Variants in MASP1 observed in about 807,000 individuals in gnomAD.
MASP1 encodes the protein MBL associated serine protease 1.
MASP1 carries 59 observed loss-of-function variants against 77.1 expected under a neutral mutation model. That is an observed-to-expected ratio of 0.77 (90% CI 0.62 to 0.95). MASP1 has a LOEUF of 0.95. MASP1 is among the 40% of genes least tolerant of loss of function. The pLI is 0.00. For missense variants in MASP1, 885 were observed against 912.9 expected (o/e 0.97, Z 0.39); for synonymous variants, 362 against 354.5 (o/e 1.02, Z -0.24).
rs1257731906 is a variant in MASP1, at chr3:187,234,306, A to T, written c.*1378T>A. On this transcript the variant is annotated 3_prime_UTR_variant, in exon 11 of 11. Transcript: ENST00000296280. ...GGGCTTCTCTGGCTGCCTTGCTCTG[A>T]TGGAGATTTTCAGGAGAGAGAGCTC... The T allele has an allele frequency of 1.6e-6, 2 of 1,287,186 alleles. No homozygotes were observed. Among genetic ancestry groups the T allele is most frequent in the Admixed American group, 2.3e-5 (1 of 43,558 alleles). 79.7% of individuals were successfully genotyped at this position (1,287,186 alleles called of 1,614,324 possible).
intron 2 of MASP1, among the ~76,000 whole-genome samples, chr3:187,283,680 G>T (rs573215474): frequency 6.6e-6 from 1 of 152,302 alleles, no homozygotes; most frequent in South Asian, 2.1e-4. Flanking sequence ...TAGATGGTTA[G>T]CATGTTTGAA....
chr3:187,223,999 G>A (rs1712227371), intron 13 of MASP1, among the ~76,000 whole-genome samples: 2 of 152,180 alleles, frequency 1.3e-5, no homozygotes, highest in Non-Finnish European at 2.9e-5. Flanking sequence ...AGCACCTGGT[G>A]GGCACATGGC....
chr3:187,234,380 G>A lies in MASP1; in HGVS notation c.*1304C>T. On this transcript the variant is annotated 3_prime_UTR_variant, in exon 11 of 11. Transcript: ENST00000296280. ...CCTGTGAGGGCCAGAGAGGCTGCTA[G>A]CAGTCAGGGAAGCTCTGAGTGCTCC... 7.8e-7 allele frequency: 1 copy of A among 1,287,266 alleles called. No individual in the cohort carries two copies. Among genetic ancestry groups the A allele is most frequent in the Non-Finnish European group, 1.0e-6 (1 of 988,690 alleles). The allele number at this position is 1,287,266 out of a possible 1,614,324, so 79.7% of individuals were successfully genotyped here.
At chr3:187,266,656 C>T (rs1419596006) in intron 2 of MASP1, among the ~76,000 whole-genome samples, 2 of 152,078 alleles carry the variant, frequency 1.3e-5, no homozygotes, top group Non-Finnish European at 2.9e-5. Context: ...AGCTGCTCCT[C>T]CCCACTACCC....
At chr3:187,265,534 CAGAGA>C (rs143227963) in intron 2 of MASP1, among the ~76,000 whole-genome samples, 6,855 of 152,184 alleles carry the variant, frequency 0.045, 493 homozygotes, top group African/African-American at 0.15. Context: ...CTTTTAGAAG[CAGAGA>C]AGAGAAGGCC....
chr3:187,258,176 T>G (rs1715255315), intron 4 of MASP1, among the ~76,000 whole-genome samples: 1 of 152,196 alleles, frequency 6.6e-6, no homozygotes, highest in Non-Finnish European at 1.5e-5. Context: ...AAAACAATTT[T>G]CAGCTCTACC....
Position 187,234,752 on chromosome 3 carries a change from A to G in MASP1, c.*932T>C, listed in dbSNP as rs1156675725. 7.8e-7 allele frequency: 1 copy of G among 1,287,258 alleles called. No homozygotes were observed. The highest frequency in any genetic ancestry group is 1.2e-5 in the South Asian group (1 of 80,940). 79.7% of individuals were successfully genotyped at this position (1,287,258 alleles called of 1,614,324 possible). Reference sequence around the variant, plus strand: ...CCTGCCCAAAAGCACAGCAGGACACAGTGTGGGTCTTTTCTTTTTCCAGGT... The same window carrying G: ...CCTGCCCAAAAGCACAGCAGGACACGGTGTGGGTCTTTTCTTTTTCCAGGT... On this transcript the variant is annotated 3_prime_UTR_variant, in exon 11 of 11. Transcript: ENST00000296280.
At chr3:187,280,315 T>C (rs1421659494) in intron 2 of MASP1, among the ~76,000 whole-genome samples, 1 of 152,190 alleles carries the variant, frequency 6.6e-6, no homozygotes, top group African/African-American at 2.4e-5. Context: ...TACATAAACA[T>C]GTCACAGATG....
chr3:187,230,741 A>G (rs538347155), downstream of MASP1, among the ~76,000 whole-genome samples: 14 of 152,362 alleles, frequency 9.2e-5, no homozygotes, highest in South Asian at 2.5e-3. Context: ...TATACTTTTC[A>G]TCATTCAGCT....
At chr3:187,273,572 C>T (rs1007783230) in intron 2 of MASP1, among the ~76,000 whole-genome samples, 1 of 152,144 alleles carries the variant, frequency 6.6e-6, no homozygotes, top group Non-Finnish European at 1.5e-5. Context: ...TGTGCGAGCT[C>T]GGTACTCCTG....
rs761832052 is a variant in MASP1 at position 187,236,371 on chromosome 3, G to A, written c.1500C>T (p.Arg500=). 1.2e-6 allele frequency: 2 copies of A among 1,614,270 alleles called. No homozygotes were observed. Among genetic ancestry groups the A allele is most frequent in the East Asian group, 2.2e-5 (1 of 44,880 alleles). Residue 500 remains arginine, a synonymous_variant, in exon 11 of 11, where the codon CGC becomes CGT. Transcript: ENST00000296280. ...SWILTAAHVL[R]SQRRDTTVIP... ...TCACCGTGGTGTCTCTACGCTGGGA[G>A]CGCAGCACATGAGCTGCTGTGAGGA...
chr3:187,229,198 T>C (rs1712619033), downstream of MASP1, among the ~76,000 whole-genome samples: 1 of 152,158 alleles, frequency 6.6e-6, no homozygotes, highest in Non-Finnish European at 1.5e-5. Context: ...CACATTCCAT[T>C]ACAAAGGTGA....
downstream of MASP1, among the ~76,000 whole-genome samples, chr3:187,232,529 C>T (rs1352149148): frequency 3.3e-5 from 5 of 152,148 alleles, no homozygotes; most frequent in African/African-American, 4.8e-5. Flanking sequence ...ACCTTCTCCC[C>T]TTTGTTTTTC....
chr3:187,226,473 C>T (rs140271320), exon 12 of MASP1: 11 of 1,612,948 alleles, frequency 6.8e-6, no homozygotes, highest in South Asian at 1.1e-5. Flanking sequence ...TCTTCCGGAT[C>T]GAGTGACTGG....
At position 187,236,360 on chromosome 3, in the gene MASP1, C is replaced by G. The variant is rs376356720; in HGVS notation, c.1511G>C (p.Arg504Thr). The G allele has an allele frequency of 1.2e-6, 2 of 1,614,138 alleles. No individual in the cohort carries two copies. The highest frequency in any genetic ancestry group is 2.7e-5 in the African/African-American group (2 of 74,946). ...GGAGACTGGTATCACCGTGGTGTCT[C>G]TACGCTGGGAGCGCAGCACATGAGC... Reference protein sequence around the residue: ...TAAHVLRSQRRDTTVIPVSKE... With the variant: ...TAAHVLRSQRTDTTVIPVSKE... The change falls in exon 11 of 11, where the codon AGA becomes ACA. Residue 504 changes from arginine to threonine, a missense_variant. Physicochemically the swap from Arg to Thr is moderately conservative, Grantham distance 71 (BLOSUM62 -1). Transcript: ENST00000296280.
intron 3 of MASP1, among the ~76,000 whole-genome samples, chr3:187,261,683 G>A (rs899146202): frequency 2.0e-5 from 3 of 152,162 alleles, no homozygotes; most frequent in South Asian, 2.1e-4. Context: ...AAAGCTAAAC[G>A]TATACCTATC....
At position 187,265,294 on chromosome 3, in the gene MASP1, G is replaced by T. The variant is rs930230985; in HGVS notation, c.238-2574C>A. Among the ~76,000 whole-genome samples the T allele has an allele frequency of 3.9e-5, 6 of 152,182 alleles. No homozygotes were observed. The South Asian group carries it at 1.2e-3, about 31-fold the overall frequency. ...TCCCCAGTGCCTCTTGGGTTCTGCAGTGACTGGGACATGAACATTTTCAAG... is the reference window on the plus strand; with the variant it reads ...TCCCCAGTGCCTCTTGGGTTCTGCATTGACTGGGACATGAACATTTTCAAG... On this transcript the variant is annotated intron_variant, in intron 2 of 10. Transcript: ENST00000296280.
In MASP1 at chr3:187,228,073, C is replaced by A. The variant is rs185008450; in HGVS notation, c.1442-1553G>T. ...GCTTGGCCGAGGGTAGAGAAGTGAACGTCAAACATTTTTCAAACATAAGTC... is the reference window on the plus strand; with the variant it reads ...GCTTGGCCGAGGGTAGAGAAGTGAAAGTCAAACATTTTTCAAACATAAGTC... On this transcript the variant is annotated intron_variant, in intron 11 of 15. Transcript: ENST00000337774. Among the ~76,000 whole-genome samples, 59 of 152,098 alleles carry A rather than the reference C, an allele frequency of 3.9e-4. No individual in the cohort carries two copies. The East Asian group carries it at 9.3e-3, about 24-fold the overall frequency.
chr3:187,233,221 G>C (rs1024063040), downstream of MASP1, among the ~76,000 whole-genome samples: 1 of 152,148 alleles, frequency 6.6e-6, no homozygotes, highest in South Asian at 2.1e-4. Context: ...CAGTGGGTGA[G>C]ACCCAGCCAT....
Sources: gnomAD v4.1 joint callset for allele counts (sites outside exome capture counted in the v4.1 genomes callset) on GRCh38, gnomAD v4.1.1 for gene constraint, MANE v1.5 for transcripts, NCBI Gene and HGNC (gene_info 2026-07-23, HGNC 2026-07-21) for gene names.